Variants in PARD3 observed in about 807,000 individuals in gnomAD.
PARD3 encodes par-3 family cell polarity regulator.
A neutral mutation model predicts 155.4 loss-of-function variants in PARD3; 75 were observed. The observed-to-expected ratio is 0.48, with a 90% CI of 0.40 to 0.58. The LOEUF is 0.58. Among genes scored for constraint, PARD3 ranks in the 20% least tolerant of loss-of-function variants. PARD3 has a pLI of 0.00. For missense variants in PARD3, 1,642 were observed against 1,721.7 expected, an observed-to-expected ratio of 0.95 and a Z score of 0.82; for synonymous variants, 576 against 610.5, an observed-to-expected ratio of 0.94 and a Z score of 0.83.
intron 2 of PARD3, among the ~76,000 whole-genome samples, chr10:34,665,190 T>C (rs2093421029): frequency 6.6e-6 from 1 of 152,048 alleles, no homozygotes; most frequent in African/African-American, 2.4e-5. Context: ...AAATAGTAAT[T>C]CAAATAAGCT....
chr10:34,750,814 G>T (rs1835936760), intron 1 of PARD3, among the ~76,000 whole-genome samples: 1 of 151,474 alleles, frequency 6.6e-6, no homozygotes, highest in African/African-American at 2.4e-5. Flanking sequence ...TCGGCCTCCT[G>T]AGTTGCTGGG....
intron 3 of PARD3, among the ~76,000 whole-genome samples, chr10:34,480,090 G>A (rs1016128321): frequency 6.6e-6 from 1 of 152,234 alleles, no homozygotes; most frequent in Non-Finnish European, 1.5e-5. Flanking sequence ...AAGGCAGACG[G>A]CATAGAGCCT....
intron 2 of PARD3, among the ~76,000 whole-genome samples, chr10:34,638,109 G>A (rs911260586): frequency 6.6e-6 from 1 of 152,224 alleles, no homozygotes; most frequent in Non-Finnish European, 1.5e-5. Context: ...TTTGGACATT[G>A]TGGAGAGTGG....
chr10:34,515,448 G>C (rs982449897), intron 3 of PARD3, among the ~76,000 whole-genome samples: 4 of 152,214 alleles, frequency 2.6e-5, no homozygotes, highest in Non-Finnish European at 4.4e-5. Context: ...GTCCGATCTT[G>C]TCTGGATGAT....
chr10:34,754,455 A>G (rs563060625), intron 1 of PARD3, among the ~76,000 whole-genome samples: 1 of 152,338 alleles, frequency 6.6e-6, no homozygotes, highest in African/African-American at 2.4e-5. Flanking sequence ...TTTCCCAAAT[A>G]AGCAAGTTCT....
intron 1 of PARD3, among the ~76,000 whole-genome samples, chr10:34,814,258 G>A (rs1399591280): frequency 6.6e-6 from 1 of 152,046 alleles, no homozygotes; most frequent in East Asian, 1.9e-4. Flanking sequence ...ACCCCAAGCC[G>A]GCGACTCCCC....
rs183448410 is a variant in PARD3 at position 34,804,934 on chromosome 10, G to A, written c.120+9942C>T. On this transcript the variant is annotated intron_variant, in intron 1 of 24. Transcript: ENST00000374788. The stretch of plus-strand genomic sequence containing the variant: ...TTAGGTTTTTGAGACATAATATCAA[G>A]TTGATTTCTTAAGTGTTGAAGAAGG... Among the ~76,000 whole-genome samples the A allele has an allele frequency of 1.3e-3, 195 of 152,272 alleles. 1 individual carries two copies. Among genetic ancestry groups the A allele is most frequent in the African/African-American group, 4.5e-3 (188 of 41,560 alleles).
At chr10:34,186,355 C>T (rs893949487) in intron 22 of PARD3, among the ~76,000 whole-genome samples, 4 of 105,650 alleles carry the variant, frequency 3.8e-5, no homozygotes, top group African/African-American at 1.3e-4. Flanking sequence ...ATGAGACCCT[C>T]TTAAAAAAAA....
chr10:34,537,586 A>G (rs1455930017), intron 2 of PARD3, among the ~76,000 whole-genome samples: 3 of 152,314 alleles, frequency 2.0e-5, no homozygotes, highest in Admixed American at 2.0e-4. Flanking sequence ...GCAACCACAG[A>G]AATTACTGGA....
At position 34,451,090 on chromosome 10, in the gene PARD3, G is replaced by A. The variant is rs146693257; in HGVS notation, c.583-642C>T. Among the ~76,000 whole-genome samples, 151 of 152,200 alleles carry A rather than the reference G, an allele frequency of 9.9e-4. 1 individual carries two copies. In the East Asian group the frequency reaches 0.014, roughly 14 times the overall value. ...TCACTGTGACATGGATATAACAAGC[G>A]ATGTCTTTACATAAATATTTATCAA... On this transcript the variant is annotated intron_variant, in intron 4 of 24. Transcript: ENST00000374788.
chr10:34,437,063 A>T (rs981592755), intron 5 of PARD3, among the ~76,000 whole-genome samples: 1 of 128,866 alleles, frequency 7.8e-6, no homozygotes, highest in Admixed American at 8.5e-5. Context: ...GCAAAATTCA[A>T]ATAAATATTT....
intron 2 of PARD3, among the ~76,000 whole-genome samples, chr10:34,572,132 C>T (rs1048436070): frequency 6.6e-6 from 1 of 151,972 alleles, no homozygotes; most frequent in South Asian, 2.1e-4. Context: ...GAAAATATTA[C>T]TGATGCTATA....
chr10:34,290,252 A>G (rs906828366), intron 20 of PARD3, among the ~76,000 whole-genome samples: 9 of 152,232 alleles, frequency 5.9e-5, no homozygotes, highest in Non-Finnish European at 1.3e-4. Context: ...GTGTTTTTAA[A>G]AAAGTCTTAA....
intron 7 of PARD3, 107 bp from the exon 8 acceptor site, chr10:34,384,361 G>C: frequency 9.3e-7 from 1 of 1,074,008 alleles, no homozygotes; most frequent in South Asian, 1.9e-5. Context: ...CCTTACAAAG[G>C]AGCATGTTAA....
At chr10:34,549,971 G>A (rs111951935) in intron 2 of PARD3, among the ~76,000 whole-genome samples, 2,173 of 152,120 alleles carry the variant, frequency 0.014, 49 homozygotes, top group African/African-American at 0.049. Flanking sequence ...GCATACAAAT[G>A]TAAGCTCCAG....
intron 22 of PARD3, among the ~76,000 whole-genome samples, chr10:34,146,690 T>C (rs1948524465): frequency 6.6e-6 from 1 of 152,236 alleles, no homozygotes; most frequent in African/African-American, 2.4e-5. Flanking sequence ...CAATCTTTGC[T>C]GGTCTTCACT....
chr10:34,300,285 G>A (rs180837948), intron 20 of PARD3, among the ~76,000 whole-genome samples: 7 of 152,284 alleles, frequency 4.6e-5, no homozygotes, highest in African/African-American at 1.2e-4. Flanking sequence ...AAATGTATGT[G>A]AGTACATAGT....
At chr10:34,393,150 TAAAAAAA>T (rs34936875) in intron 7 of PARD3, among the ~76,000 whole-genome samples, 1 of 133,840 alleles carries the variant, frequency 7.5e-6, no homozygotes, top group Admixed American at 7.7e-5. Context: ...TACTAGATCT[TAAAAAAA>T]AAAAAAAAGT....
At chr10:34,155,966 C>A (rs931956970) in intron 22 of PARD3, among the ~76,000 whole-genome samples, 1 of 152,144 alleles carries the variant, frequency 6.6e-6, no homozygotes, top group Non-Finnish European at 1.5e-5. Flanking sequence ...TGAGAGGTCA[C>A]AGCTCCCACC....
Sources: allele counts gnomAD v4.1 joint callset (sites outside exome capture counted in the v4.1 genomes callset), GRCh38; gene constraint gnomAD v4.1.1; transcripts MANE v1.5; gene names NCBI Gene and HGNC (gene_info 2026-07-23, HGNC 2026-07-21).